Variants in RILPL2 observed in about 807,000 individuals in gnomAD.
RILPL2 encodes RILP-like protein 2.
In RILPL2, 19 loss-of-function variants were observed where a neutral mutation model predicts 22.2. That is an observed-to-expected ratio of 0.86 (90% CI 0.60 to 1.25). The LOEUF is 1.25. RILPL2 is among the 50% of genes most tolerant of loss of function. The pLI is 0.00. For synonymous variants in RILPL2, 123 were observed against 111.6 expected (o/e 1.10, Z -0.64); for missense variants, 243 against 263.6 (o/e 0.92, Z 0.54).
intron 3 of RILPL2, among the ~76,000 whole-genome samples, chr12:123,422,305 G>A (rs562540835): frequency 6.7e-6 from 1 of 150,292 alleles, no homozygotes; most frequent in South Asian, 2.1e-4. Context: ...GGTTGGTCAC[G>A]AGGAGTTCAA....
At chr12:123,421,872 T>G (rs969858620) in intron 3 of RILPL2, among the ~76,000 whole-genome samples, 6 of 151,910 alleles carry the variant, frequency 3.9e-5, no homozygotes, top group Admixed American at 1.3e-4. Flanking sequence ...TTTGCCATGT[T>G]GGCCAGGCTG....
downstream of RILPL2, chr12:123,412,139 A>AG (rs1878991703): frequency 6.6e-6 from 1 of 151,994 alleles, no homozygotes; most frequent in African/African-American, 2.4e-5. Flanking sequence ...ACAGGGAGGC[A>AG]GGGGAGCATT....
At chr12:123,428,337 C>T (rs532765195) in intron 2 of RILPL2, among the ~76,000 whole-genome samples, 13 of 152,142 alleles carry the variant, frequency 8.5e-5, no homozygotes, top group Non-Finnish European at 1.6e-4. Flanking sequence ...GGGGTTTCAC[C>T]GTGTTAGCCA....
Position 123,436,008 on chromosome 12 carries a change from C to G in RILPL2, c.339+74G>C. On this transcript the variant is annotated intron_variant, in intron 1 of 3. Coordinates refer to ENST00000280571, the MANE Select transcript of RILPL2 (RefSeq NM_145058.3). This position sits in a 1 kb window ranked among gnomAD's most constrained non-coding sequence, Gnocchi z 6.7. ...AAGAGAAGAGAAAAGAAAAGGAAGG[C>G]GTCTCCCTGCCAGTAGGTGCCCTCC... is the stretch of plus-strand genomic sequence containing the variant. 1 of 1,486,184 alleles carries G rather than the reference C, an allele frequency of 6.7e-7. No homozygotes were observed. 92.1% of individuals were successfully genotyped at this position (1,486,184 alleles called of 1,614,324 possible). A position where few individuals can be genotyped will look rare whatever the true frequency, so the allele number is the denominator to read the frequency against.
chr12:123,417,293 C>T (rs1241708629), intron 3 of RILPL2, among the ~76,000 whole-genome samples: 3 of 147,324 alleles, frequency 2.0e-5, no homozygotes, highest in African/African-American at 7.6e-5. Context: ...AGTGAGACCC[C>T]ATCTCAAAAA....
chr12:123,431,660 A>G (rs1198181891), intron 1 of RILPL2, among the ~76,000 whole-genome samples: 2 of 151,268 alleles, frequency 1.3e-5, no homozygotes, highest in African/African-American at 4.9e-5. Context: ...CGTCTCTACT[A>G]AAAAAATACA....
intron 3 of RILPL2, 25 bp downstream of exon 3, chr12:123,423,019 C>CG (rs750825550): frequency 1.3e-6 from 2 of 1,521,138 alleles, no homozygotes; most frequent in Non-Finnish European, 1.8e-6. Context: ...TTGGCGGGAC[C>CG]GGGGGGCAGC....
At chr12:123,430,431 A>G in intron 2 of RILPL2, 77 bp downstream of exon 2, 3 of 1,423,914 alleles carry the variant, frequency 2.1e-6, no homozygotes, top group South Asian at 2.7e-5. Context: ...ACAAAACAAA[A>G]CAAAAACAAA....
At chr12:123,419,498 C>T (rs1273994476) in intron 3 of RILPL2, among the ~76,000 whole-genome samples, 1 of 152,140 alleles carries the variant, frequency 6.6e-6, no homozygotes, top group African/African-American at 2.4e-5. Context: ...GAGGAATGGT[C>T]CCACGTGGGA....
At chr12:123,434,585 G>T (rs938189750) in intron 1 of RILPL2, among the ~76,000 whole-genome samples, 1 of 151,728 alleles carries the variant, frequency 6.6e-6, no homozygotes, top group African/African-American at 2.4e-5. Context: ...CACCACGCCC[G>T]GCTAATTTTT....
At chr12:123,433,046 A>G (rs28531860) in intron 1 of RILPL2, among the ~76,000 whole-genome samples, 46,625 of 151,508 alleles carry the variant, frequency 0.31, 7,683 homozygotes, top group Non-Finnish European at 0.36. Flanking sequence ...TCATACTTCC[A>G]TGTGAATTTC....
chr12:123,413,125 G>C (rs914726459), downstream of RILPL2: 3 of 153,254 alleles, frequency 2.0e-5, no homozygotes, highest in African/African-American at 7.2e-5. Context: ...GAATCTGGGA[G>C]GCAGAGATTG....
At chr12:123,430,263 GC>G (rs1879590804) in intron 2 of RILPL2, among the ~76,000 whole-genome samples, 1 of 151,598 alleles carries the variant, frequency 6.6e-6, no homozygotes, top group Non-Finnish European at 1.5e-5. Flanking sequence ...CAAAAAATTA[GC>G]CAGGCACGGT....
intron 2 of RILPL2, among the ~76,000 whole-genome samples, chr12:123,426,075 T>C (rs1356373003): frequency 6.6e-6 from 1 of 152,130 alleles, no homozygotes; most frequent in East Asian, 1.9e-4. Context: ...TCCCAAAGTG[T>C]TGGGATTACA....
At chr12:123,425,327 C>T (rs1032108526) in intron 2 of RILPL2, among the ~76,000 whole-genome samples, 1 of 151,988 alleles carries the variant, frequency 6.6e-6, no homozygotes, top group Non-Finnish European at 1.5e-5. Flanking sequence ...CAGGTGCCCA[C>T]CACCACACTT....
At chr12:123,423,836 G>A (rs543442349) in intron 2 of RILPL2, among the ~76,000 whole-genome samples, 1 of 151,728 alleles carries the variant, frequency 6.6e-6, no homozygotes, top group South Asian at 2.1e-4. Context: ...TGTATTTTTA[G>A]TAGAGACAGG....
intron 1 of RILPL2, among the ~76,000 whole-genome samples, chr12:123,433,972 A>T (rs1375821962): frequency 2.0e-5 from 3 of 152,194 alleles, no homozygotes; most frequent in Non-Finnish European, 4.4e-5. Context: ...TAGGTAAATT[A>T]CTTAACTGTT....
At chr12:123,410,145 C>T (rs745450282), downstream of RILPL2, among the ~76,000 whole-genome samples, 53 of 152,216 alleles carry the variant, frequency 3.5e-4, no homozygotes, top group Non-Finnish European at 1.2e-4. Flanking sequence ...CCACGCCCAG[C>T]TTAAAAGTTA....
intron 3 of RILPL2, among the ~76,000 whole-genome samples, chr12:123,418,763 T>C (rs1297729150): frequency 4.9e-5 from 7 of 143,960 alleles, no homozygotes; most frequent in African/African-American, 1.5e-4. Context: ...TTTCTTTTTT[T>C]TTTTTTTTTT....
Sources: allele counts gnomAD v4.1 joint callset (sites outside exome capture counted in the v4.1 genomes callset), GRCh38; gene constraint gnomAD v4.1.1; non-coding constraint Gnocchi (gnomAD v3.1); transcripts MANE v1.5; gene names NCBI Gene and HGNC (gene_info 2026-07-23, HGNC 2026-07-21).